Variants in BAZ2B observed in about 807,000 individuals in gnomAD.
BAZ2B encodes bromodomain adjacent to zinc finger domain protein 2B.
In BAZ2B, 91 loss-of-function variants were observed where a neutral mutation model predicts 246.0. The ratio of observed to expected loss-of-function variants is 0.37; its 90% CI spans 0.31 to 0.44. The LOEUF is 0.44. Ranked by LOEUF, BAZ2B falls within the 20% of genes least tolerant of loss-of-function variation. The pLI is 1.00. For missense variants in BAZ2B, 2,332 were observed against 2,533.7 expected, an observed-to-expected ratio of 0.92 and a Z score of 1.71; for synonymous variants, 855 against 860.0, an observed-to-expected ratio of 0.99 and a Z score of 0.10.
the BAZ2B span, among the ~76,000 whole-genome samples, chr2:159,656,134 C>T: frequency 6.6e-6 from 1 of 152,060 alleles, no homozygotes; most frequent in African/African-American, 2.4e-5. Flanking sequence ...CAGAATTTGT[C>T]TCTCATGCAG....
chr2:159,521,082 A>C (rs1417750144), intron 2 of BAZ2B, among the ~76,000 whole-genome samples: 1 of 152,128 alleles, frequency 6.6e-6, no homozygotes. Context: ...ACACTCCCTT[A>C]CCATAATTTC....
intron 20 of BAZ2B, 88 bp downstream of exon 20, chr2:159,395,680 AT>A: frequency 2.5e-6 from 3 of 1,221,206 alleles, no homozygotes; most frequent in Non-Finnish European, 2.3e-6. Context: ...ACAAACCTAT[AT>A]TCTGAAAAAT....
intron 4 of BAZ2B, among the ~76,000 whole-genome samples, chr2:159,451,794 AC>A (rs1324759018): frequency 6.6e-6 from 1 of 152,120 alleles, no homozygotes; most frequent in African/African-American, 2.4e-5. Context: ...ACATTATTGA[AC>A]TCCAGATGAG....
At chr2:159,708,581 CT>C in the BAZ2B span, among the ~76,000 whole-genome samples, 2 of 13,830 alleles carry the variant, frequency 1.4e-4, no homozygotes, top group African/African-American at 2.8e-4. Context: ...TTATTTATTT[CT>C]TTATTTATTT....
chr2:159,629,682 G>A, the BAZ2B span, among the ~76,000 whole-genome samples: 3 of 152,128 alleles, frequency 2.0e-5, no homozygotes, highest in African/African-American at 7.2e-5. Context: ...TGGGGGATAG[G>A]GGGCTAGGGG....
chr2:159,707,664 A>G, the BAZ2B span, among the ~76,000 whole-genome samples: 6 of 152,116 alleles, frequency 3.9e-5, no homozygotes, highest in Non-Finnish European at 7.4e-5. Flanking sequence ...CATCTCTACT[A>G]AAAATTACAA....
At chr2:159,387,089 A>G (rs1395583849) in intron 21 of BAZ2B, among the ~76,000 whole-genome samples, 1 of 152,148 alleles carries the variant, frequency 6.6e-6, no homozygotes, top group Non-Finnish European at 1.5e-5. Flanking sequence ...AACAAACAGC[A>G]TGCATCTGTG....
At chr2:159,462,195 A>G in intron 3 of BAZ2B, 1 of 446,572 alleles carries the variant, frequency 2.2e-6, no homozygotes, top group Admixed American at 4.0e-5. Flanking sequence ...ATATAGCAAT[A>G]ACAGAAAATT....
intron 13 of BAZ2B, among the ~76,000 whole-genome samples, chr2:159,420,575 A>G (rs1317602112): frequency 2.0e-5 from 3 of 152,176 alleles, no homozygotes; most frequent in Admixed American, 6.5e-5. Flanking sequence ...TTATGCTTAG[A>G]TGTATAGCTT....
chr2:159,471,360 G>A (rs755890538), intron 3 of BAZ2B, among the ~76,000 whole-genome samples: 1 of 152,158 alleles, frequency 6.6e-6, no homozygotes, highest in East Asian at 1.9e-4. Context: ...CCAACACTTC[G>A]GGAGGCTGAA....
chr2:159,618,557 C>A (rs970897081), upstream of BAZ2B, among the ~76,000 whole-genome samples: 2 of 151,908 alleles, frequency 1.3e-5, no homozygotes, highest in South Asian at 2.1e-4. Flanking sequence ...TATCCCAAGT[C>A]ACATACAAAA....
At chr2:159,405,572 T>A (rs1273663981) in intron 14 of BAZ2B, among the ~76,000 whole-genome samples, 1 of 152,178 alleles carries the variant, frequency 6.6e-6, no homozygotes, top group African/African-American at 2.4e-5. Context: ...AAGAGTGGTG[T>A]GGTAGACAAC....
chr2:159,322,171 A>G (rs889824929), intron 36 of BAZ2B: 3 of 152,204 alleles, frequency 2.0e-5, no homozygotes, highest in Non-Finnish European at 4.4e-5. Flanking sequence ...CGATAATGAA[A>G]GAAATATTTC....
chr2:159,612,117 A>G (rs1189326047), intron 1 of BAZ2B, among the ~76,000 whole-genome samples: 2 of 151,974 alleles, frequency 1.3e-5, no homozygotes, highest in South Asian at 2.1e-4. Context: ...GTCTACTAGT[A>G]AGTTATTTTA....
chr2:159,405,476 G>A (rs1312438537), intron 14 of BAZ2B, among the ~76,000 whole-genome samples: 1 of 152,102 alleles, frequency 6.6e-6, no homozygotes, highest in African/African-American at 2.4e-5. Flanking sequence ...CTCCCAAAGT[G>A]CTGGGATTAC....
intron 3 of BAZ2B, 70 bp downstream of exon 3, chr2:159,478,505 G>C (rs892695821): frequency 2.1e-6 from 3 of 1,450,922 alleles, no homozygotes; most frequent in South Asian, 2.9e-5. Context: ...TTTATTCAGT[G>C]CTCAATAAAA....
intron 2 of BAZ2B, among the ~76,000 whole-genome samples, chr2:159,482,727 T>C (rs543977993): frequency 6.6e-6 from 1 of 152,324 alleles, no homozygotes; most frequent in African/African-American, 2.4e-5. Flanking sequence ...TGATTTTTCA[T>C]CTATAATACA....
At position 159,433,289 on chromosome 2, in the gene BAZ2B, T is replaced by C. The variant is rs766450940; in HGVS notation, c.1368A>G (p.Ala456=). The change falls in exon 9 of 37, where the codon GCA becomes GCG. Residue 456 remains alanine, a synonymous_variant. Coordinates refer to ENST00000392783, the MANE Select transcript of BAZ2B (RefSeq NM_013450.4). ...ESSKSLKKVI[A]ALSNPKATSS... ...AGGTTGCTTTTGGATTTGACAAAGC[T>C]GCAATAACCTTCTTCAGGCTCTTCG... The C allele has an allele frequency of 1.9e-6, 3 of 1,614,026 alleles. No homozygotes were observed. Among genetic ancestry groups the C allele is most frequent in the Non-Finnish European group, 2.5e-6 (3 of 1,180,002 alleles).
intron 3 of BAZ2B, among the ~76,000 whole-genome samples, chr2:159,457,221 A>T (rs147903785): frequency 2.6e-5 from 4 of 152,296 alleles, no homozygotes; most frequent in African/African-American, 7.2e-5. Context: ...ACAATCTCTG[A>T]CCTCAAGGAA....
Sources: gnomAD v4.1 joint callset for allele counts (sites outside exome capture counted in the v4.1 genomes callset) on GRCh38, gnomAD v4.1.1 for gene constraint, MANE v1.5 for transcripts, NCBI Gene and HGNC (gene_info 2026-07-23, HGNC 2026-07-21) for gene names.